XXYLT1: variants seen among roughly 807,000 people sequenced by gnomAD.
XXYLT1 encodes xyloside xylosyltransferase 1, also known as UDP-xylose:alpha-xyloside alpha-1,3-xylosyltransferase.
XXYLT1 carries 20 observed loss-of-function variants against 28.9 expected under a neutral mutation model. The ratio of observed to expected loss-of-function variants is 0.69; its 90% CI spans 0.49 to 1.00. The LOEUF (loss-of-function observed/expected upper bound fraction) is 1.00. Among genes scored for constraint, XXYLT1 ranks in the 50% least tolerant of loss-of-function variants. XXYLT1 has a pLI of 0.00. For synonymous variants in XXYLT1, 257 were observed against 253.8 expected (o/e 1.01, Z -0.12); for missense variants, 542 against 560.1 (o/e 0.97, Z 0.33).
chr3:195,147,359 C>T (rs979347648), intron 3 of XXYLT1, among the ~76,000 whole-genome samples: 4 of 152,298 alleles, frequency 2.6e-5, no homozygotes, highest in African/African-American at 7.2e-5. Flanking sequence ...CACCTGAGGT[C>T]AGGAGTTCGA....
intron 2 of XXYLT1, among the ~76,000 whole-genome samples, chr3:195,187,519 A>G (rs1474453304): frequency 2.0e-5 from 3 of 152,218 alleles, no homozygotes; most frequent in African/African-American, 7.2e-5. Flanking sequence ...AATACAGTCA[A>G]TCAATCAGAC....
At chr3:195,170,724 T>C (rs988423879) in intron 2 of XXYLT1, among the ~76,000 whole-genome samples, 2 of 152,072 alleles carry the variant, frequency 1.3e-5, no homozygotes, top group African/African-American at 4.8e-5. Flanking sequence ...AGAGGCCAAT[T>C]TGCATTCTCA....
intron 2 of XXYLT1, among the ~76,000 whole-genome samples, chr3:195,218,820 T>C (rs1193246610): frequency 1.3e-5 from 2 of 151,882 alleles, no homozygotes; most frequent in African/African-American, 2.4e-5. Flanking sequence ...ACTGGGTATA[T>C]ACCCAAAGGA....
chr3:195,128,529 G>A (rs1718749087), intron 3 of XXYLT1, among the ~76,000 whole-genome samples: 1 of 152,146 alleles, frequency 6.6e-6, no homozygotes, highest in Non-Finnish European at 1.5e-5. Context: ...CTCTGTGTCT[G>A]ACTCCTTGGA....
chr3:195,117,319 T>G (rs778255335), intron 3 of XXYLT1, among the ~76,000 whole-genome samples: 1 of 152,190 alleles, frequency 6.6e-6, no homozygotes, highest in Non-Finnish European at 1.5e-5. Flanking sequence ...GTAAGAATGT[T>G]GAATCAGATG....
intron 2 of XXYLT1, among the ~76,000 whole-genome samples, chr3:195,181,275 G>A (rs9870185): frequency 0.095 from 13,896 of 146,324 alleles, 730 homozygotes; most frequent in Middle Eastern, 0.16. Context: ...GCGTGGCTGC[G>A]TGGCTGCGTG....
At chr3:195,264,403 G>A (rs1048719018) in intron 1 of XXYLT1, among the ~76,000 whole-genome samples, 4 of 152,192 alleles carry the variant, frequency 2.6e-5, no homozygotes, top group Non-Finnish European at 5.9e-5. Flanking sequence ...ACGGAGTCCC[G>A]CCCAGAGGGC....
At chr3:195,225,746 G>A (rs1034106702) in intron 2 of XXYLT1, among the ~76,000 whole-genome samples, 1 of 151,224 alleles carries the variant, frequency 6.6e-6, no homozygotes, top group Non-Finnish European at 1.5e-5. Context: ...CCTGGTGGGG[G>A]GTAATTTAAT....
chr3:195,198,382 T>A (rs1722715300), intron 2 of XXYLT1, among the ~76,000 whole-genome samples: 1 of 152,178 alleles, frequency 6.6e-6, no homozygotes, highest in Non-Finnish European at 1.5e-5. Flanking sequence ...GAACAAGTTG[T>A]CCGGGCACTT....
At chr3:195,138,289 A>G (rs1222515577) in intron 3 of XXYLT1, among the ~76,000 whole-genome samples, 5 of 152,336 alleles carry the variant, frequency 3.3e-5, no homozygotes, top group Admixed American at 3.3e-4. Flanking sequence ...AGAGCTGGAC[A>G]CTGGCTGGAG....
intron 3 of XXYLT1, among the ~76,000 whole-genome samples, chr3:195,108,572 A>T (rs1395046538): frequency 6.6e-6 from 1 of 152,216 alleles, no homozygotes; most frequent in Non-Finnish European, 1.5e-5. Context: ...TCTTTGTGTG[A>T]ACACACAGAG....
intron 1 of XXYLT1, among the ~76,000 whole-genome samples, chr3:195,241,827 A>G (rs577176912): frequency 6.6e-6 from 1 of 151,926 alleles, no homozygotes; most frequent in Non-Finnish European, 1.5e-5. Flanking sequence ...ACACACATGC[A>G]CACAACATAC....
At chr3:195,245,903 G>T (rs1725003443) in intron 1 of XXYLT1, among the ~76,000 whole-genome samples, 1 of 152,194 alleles carries the variant, frequency 6.6e-6, no homozygotes, top group Admixed American at 6.5e-5. Flanking sequence ...GCTTCCTAAG[G>T]CCTCCCGCAG....
chr3:195,112,631 AC>A (rs1158493265), intron 3 of XXYLT1, among the ~76,000 whole-genome samples: 2 of 136,504 alleles, frequency 1.5e-5, no homozygotes, highest in East Asian at 4.0e-4. Flanking sequence ...GCACACACAC[AC>A]CCCCATGCAC....
chr3:195,224,271 C>T (rs1471673155), intron 2 of XXYLT1, among the ~76,000 whole-genome samples: 2 of 152,258 alleles, frequency 1.3e-5, no homozygotes, highest in African/African-American at 2.4e-5. Flanking sequence ...TTCCCCACCT[C>T]CTGATGCATG....
At chr3:195,117,313 G>T (rs1433760238) in intron 3 of XXYLT1, among the ~76,000 whole-genome samples, 4 of 152,178 alleles carry the variant, frequency 2.6e-5, no homozygotes, top group African/African-American at 9.7e-5. Flanking sequence ...ATCAAAGTAA[G>T]AATGTTGAAT....
At chr3:195,203,973 G>A (rs1352370601) in intron 2 of XXYLT1, among the ~76,000 whole-genome samples, 1 of 152,204 alleles carries the variant, frequency 6.6e-6, no homozygotes, top group Non-Finnish European at 1.5e-5. Context: ...TAAAGGAGGC[G>A]GCGAGGCAAG....
At chr3:195,089,933 C>T (rs1716036439) in intron 3 of XXYLT1, among the ~76,000 whole-genome samples, 1 of 151,964 alleles carries the variant, frequency 6.6e-6, no homozygotes, top group Admixed American at 6.6e-5. Flanking sequence ...ACAAAGAAGG[C>T]CATTACATAA....
At chr3:195,247,984 G>A (rs1560173842) in intron 1 of XXYLT1, 2 of 541,252 alleles carry the variant, frequency 3.7e-6, no homozygotes, top group Non-Finnish European at 6.6e-6. Flanking sequence ...CCCTTCCTCT[G>A]ACACGTGGGG....
Sources: gnomAD v4.1 joint callset for allele counts (sites outside exome capture counted in the v4.1 genomes callset) on GRCh38, gnomAD v4.1.1 for gene constraint, MANE v1.5 for transcripts, NCBI Gene and HGNC (gene_info 2026-07-23, HGNC 2026-07-21) for gene names.